The following TMEM178B variants were observed in gnomAD, a reference collection of about 807,000 sequenced individuals.
TMEM178B encodes transmembrane protein 178B.
TMEM178B carries 5 observed loss-of-function variants against 31.0 expected under a neutral mutation model. The ratio of observed to expected loss-of-function variants is 0.16; its 90% CI spans 0.08 to 0.34. The LOEUF (loss-of-function observed/expected upper bound fraction) is 0.34. Ranked by LOEUF, TMEM178B falls within the 10% of genes least tolerant of loss-of-function variation. The probability of loss-of-function intolerance (pLI) is 1.00; values close to 1 mark genes in which losing one functional copy is unlikely to be tolerated. For missense variants in TMEM178B, 275 were observed against 400.3 expected, an observed-to-expected ratio of 0.69 and a Z score of 2.67; for synonymous variants, 164 against 164.0, an observed-to-expected ratio of 1.00 and a Z score of 0.00.
At position 141,338,716 on chromosome 7, in the gene TMEM178B, G is replaced by T. The variant is rs571596809; in HGVS notation, c.497-98892G>T. On this transcript the variant is annotated intron_variant, in intron 2 of 3. Coordinates refer to ENST00000565468, the MANE Select transcript of TMEM178B (RefSeq NM_001195278.2). ...CAAACTGTCCCCCTGGCCAGCCACT[G>T]GCCTATGCAGCAGTGTGGTGGGTGG... Among the ~76,000 whole-genome samples the T allele has an allele frequency of 5.3e-5, 8 of 152,336 alleles. No homozygotes were observed. In the East Asian group the frequency reaches 1.5e-3, roughly 29 times the overall value.
At position 141,132,244 on chromosome 7, in the gene TMEM178B, A is replaced by C. The variant is rs186557724; in HGVS notation, c.382+57552A>C. On this transcript the variant is annotated intron_variant, in intron 1 of 3. Coordinates refer to ENST00000565468, the MANE Select transcript of TMEM178B (RefSeq NM_001195278.2). ...GTTCCTATTGGGCTTCTAAGGGCAG[A>C]CTACCATTTCTGTTGGATTTTTGGC... Among the ~76,000 whole-genome samples the C allele has an allele frequency of 3.0e-3, 451 of 152,250 alleles. 3 individuals are homozygous for C. Among genetic ancestry groups the C allele is most frequent in the Non-Finnish European group, 5.3e-3 (361 of 68,006 alleles).
At chr7:141,450,434 AGAGATAT>A (rs990831289) in intron 3 of TMEM178B, among the ~76,000 whole-genome samples, 19 of 152,260 alleles carry the variant, frequency 1.2e-4, no homozygotes, top group Non-Finnish European at 7.3e-5. Flanking sequence ...TGGATCAATA[AGAGATAT>A]ATTAGCTGTT....
Position 141,096,520 on chromosome 7 carries a change from G to A in TMEM178B, c.382+21828G>A, listed in dbSNP as rs148209771. On this transcript the variant is annotated intron_variant, in intron 1 of 3. Transcript: ENST00000565468. ...AACAGTGACCTCCCCTGTGTTGGTGGCCAATTGGACTTTAGTGAACAAGAA... is the reference window on the plus strand; with the variant it reads ...AACAGTGACCTCCCCTGTGTTGGTGACCAATTGGACTTTAGTGAACAAGAA... Among the ~76,000 whole-genome samples the A allele has an allele frequency of 1.6e-3, 244 of 152,298 alleles. 5 individuals carry two copies. The highest frequency in any genetic ancestry group is 0.012 in the Admixed American group (181 of 15,306).
chr7:141,483,118 G>A (rs555142911), downstream of TMEM178B, among the ~76,000 whole-genome samples: 2 of 152,206 alleles, frequency 1.3e-5, no homozygotes, highest in South Asian at 2.1e-4. Flanking sequence ...ATCAGGCAAG[G>A]TATTCTAAAT....
intron 1 of TMEM178B, among the ~76,000 whole-genome samples, chr7:141,193,743 A>G (rs971750717): frequency 6.6e-6 from 1 of 152,162 alleles, no homozygotes; most frequent in Non-Finnish European, 1.5e-5. Context: ...TGGTGCCTGG[A>G]CAAGCACAAC....
chr7:141,348,328 C>T (rs1403140554), intron 2 of TMEM178B, among the ~76,000 whole-genome samples: 1 of 152,172 alleles, frequency 6.6e-6, no homozygotes, highest in Non-Finnish European at 1.5e-5. Flanking sequence ...CTATGTAATG[C>T]ATTGCATCCA....
At chr7:141,182,102 A>T (rs1028213257) in intron 1 of TMEM178B, among the ~76,000 whole-genome samples, 3 of 152,130 alleles carry the variant, frequency 2.0e-5, no homozygotes, top group Admixed American at 2.0e-4. Context: ...CATGCCTTGA[A>T]ACTAGACCTA....
intron 2 of TMEM178B, among the ~76,000 whole-genome samples, chr7:141,285,277 A>C (rs1488638148): frequency 6.8e-6 from 1 of 147,300 alleles, no homozygotes; most frequent in Non-Finnish European, 1.5e-5. Flanking sequence ...CAGCCTCCCG[A>C]GTAGCTGGGA....
intron 2 of TMEM178B, among the ~76,000 whole-genome samples, chr7:141,339,503 T>C (rs1016463612): frequency 1.3e-5 from 2 of 152,166 alleles, no homozygotes; most frequent in Non-Finnish European, 2.9e-5. Flanking sequence ...AAGACTACAC[T>C]TCAGCAAAAG....
intron 1 of TMEM178B, among the ~76,000 whole-genome samples, chr7:141,097,497 T>TC (rs1260818831): frequency 2.6e-5 from 4 of 152,036 alleles, no homozygotes; most frequent in Admixed American, 6.6e-5. Context: ...AGTACTTTTT[T>TC]CCCTCTCAAA....
At chr7:141,098,508 C>T (rs1218705263) in intron 1 of TMEM178B, among the ~76,000 whole-genome samples, 4 of 152,088 alleles carry the variant, frequency 2.6e-5, no homozygotes, top group East Asian at 1.9e-4. Context: ...AGAGTGTAGA[C>T]CCTGAAGTTA....
intron 2 of TMEM178B, among the ~76,000 whole-genome samples, chr7:141,370,137 G>A (rs1800089483): frequency 6.6e-6 from 1 of 152,172 alleles, no homozygotes; most frequent in Non-Finnish European, 1.5e-5. Flanking sequence ...CTGGACCACA[G>A]AGAGGGAGAA....
At chr7:141,075,052 G>C (rs983532744) in intron 1 of TMEM178B, among the ~76,000 whole-genome samples, 3 of 152,180 alleles carry the variant, frequency 2.0e-5, no homozygotes, top group Non-Finnish European at 4.4e-5. Context: ...CATGTGTCAG[G>C]GGTAGACAGG....
At chr7:141,249,869 T>C (rs1487672102) in intron 2 of TMEM178B, among the ~76,000 whole-genome samples, 1 of 152,244 alleles carries the variant, frequency 6.6e-6, no homozygotes, top group Non-Finnish European at 1.5e-5. Context: ...TATGAGACTT[T>C]CCTTTATCTA....
At chr7:141,176,002 G>A (rs543242063) in intron 1 of TMEM178B, among the ~76,000 whole-genome samples, 6 of 152,320 alleles carry the variant, frequency 3.9e-5, no homozygotes, top group Non-Finnish European at 8.8e-5. Flanking sequence ...ATGTTGAATA[G>A]GAGTGGTGAG....
chr7:141,154,974 C>T (rs1374150008), intron 1 of TMEM178B, among the ~76,000 whole-genome samples: 1 of 152,162 alleles, frequency 6.6e-6, no homozygotes, highest in Non-Finnish European at 1.5e-5. Flanking sequence ...AAGTGATCCA[C>T]CTGCCTCAGC....
intron 2 of TMEM178B, among the ~76,000 whole-genome samples, chr7:141,404,685 A>G (rs1800850100): frequency 6.6e-6 from 1 of 152,238 alleles, no homozygotes; most frequent in African/African-American, 2.4e-5. Flanking sequence ...CTAAGACCCT[A>G]GTTCCAAATA....
At chr7:141,415,925 T>G (rs1333341055) in intron 2 of TMEM178B, 2 of 152,580 alleles carry the variant, frequency 1.3e-5, no homozygotes, top group Non-Finnish European at 2.9e-5. Context: ...GCACTTCTGA[T>G]TCATGTAAGT....
chr7:141,497,397 A>AAAG, the TMEM178B span, among the ~76,000 whole-genome samples: 13 of 152,196 alleles, frequency 8.5e-5, no homozygotes, highest in Non-Finnish European at 1.5e-5. Flanking sequence ...GGTTGCCTTT[A>AAAG]GCAACCCAAA....
Sources: allele counts gnomAD v4.1 joint callset (sites outside exome capture counted in the v4.1 genomes callset), GRCh38; gene constraint gnomAD v4.1.1; transcripts MANE v1.5; gene names NCBI Gene and HGNC (gene_info 2026-07-23, HGNC 2026-07-21).